The following TAPBP variants were observed in gnomAD, a reference collection of about 807,000 sequenced individuals.
TAPBP encodes tapasin.
Under a neutral mutation model 45.7 loss-of-function variants are expected in TAPBP, and 38 were observed. The ratio of observed to expected loss-of-function variants is 0.83; its 90% CI spans 0.64 to 1.09. The LOEUF is 1.09. TAPBP is among the 50% of genes least tolerant of loss of function. The pLI, the probability that TAPBP is intolerant of heterozygous loss-of-function variation, is 0.00. For missense variants in TAPBP, 513 were observed against 587.3 expected (o/e 0.87, Z 1.31); for synonymous variants, 226 against 254.8 (o/e 0.89, Z 1.08).
In TAPBP at chr6:33,313,972, G is replaced by A. The variant is rs752765130; in HGVS notation, c.37+33C>T. ...GGCCACCTCCCTCCGCTTCCCTCTA[G>A]TTCTTGGGCGATGAGTCGCGGGGTT... On this transcript the variant is annotated intron_variant, in intron 1 of 7. Transcript: ENST00000434618. The surrounding 1 kb of genome is among the most constrained non-coding windows in gnomAD (Gnocchi z 7.2). 5.0e-6 allele frequency: 8 copies of A among 1,613,776 alleles called. No individual in the cohort carries two copies. Among genetic ancestry groups the A allele is most frequent in the Non-Finnish European group, 6.8e-6 (8 of 1,180,014 alleles).
At chr6:33,307,438 G>C (rs570339807) in intron 3 of TAPBP, among the ~76,000 whole-genome samples, 1 of 115,254 alleles carries the variant, frequency 8.7e-6, no homozygotes, top group South Asian at 2.8e-4. Flanking sequence ...AGTTTTGCTC[G>C]TCACCTAGGC....
Position 33,301,675 on chromosome 6 carries a change from G to T in TAPBP, c.*85C>A. Reference sequence around the variant, plus strand: ...AGAGAGATTGGAGGGATTAGGAGCAGATGATAGGGTATTATTTTAGGGAGC... The same window carrying T: ...AGAGAGATTGGAGGGATTAGGAGCATATGATAGGGTATTATTTTAGGGAGC... On this transcript the variant is annotated 3_prime_UTR_variant, in exon 8 of 8. Coordinates refer to ENST00000434618, the MANE Select transcript of TAPBP (RefSeq NM_003190.5). The T allele has an allele frequency of 8.0e-7, 1 of 1,246,230 alleles. No homozygotes were observed. Among genetic ancestry groups the T allele is most frequent in the Non-Finnish European group, 1.2e-6 (1 of 850,854 alleles). The allele number at this position is 1,246,230 out of a possible 1,614,324, so 77.2% of individuals were successfully genotyped here.
intron 3 of TAPBP, among the ~76,000 whole-genome samples, chr6:33,306,663 C>A (rs1223298439): frequency 1.3e-5 from 2 of 152,192 alleles, no homozygotes; most frequent in African/African-American, 4.8e-5. Context: ...CAAGTCTGAT[C>A]CCATCACCTA....
At chr6:33,309,132 C>T (rs972760735) in intron 3 of TAPBP, among the ~76,000 whole-genome samples, 10 of 151,156 alleles carry the variant, frequency 6.6e-5, no homozygotes, top group African/African-American at 2.2e-4. Context: ...CAGTGGCTCA[C>T]GCCTGTAATC....
rs1471393349 is a variant in TAPBP, at chr6:33,305,583, T to C, written c.470-196A>G. Among the ~76,000 whole-genome samples, 2 of 152,124 alleles carry C rather than the reference T, an allele frequency of 1.3e-5. No individual in the cohort carries two copies. The highest frequency in any genetic ancestry group is 4.8e-5 in the African/African-American group (2 of 41,414). Reference sequence around the variant, plus strand: ...TGCTCTGCGACTGGGTGGCACCTAGTGTGGCTGAGGGTGAGCAGAGAGGTC... The same window carrying C: ...TGCTCTGCGACTGGGTGGCACCTAGCGTGGCTGAGGGTGAGCAGAGAGGTC... On this transcript the variant is annotated intron_variant, in intron 3 of 7. Transcript: ENST00000434618. The surrounding 1 kb of genome is among the most constrained non-coding windows in gnomAD (Gnocchi z 4.4).
intron 3 of TAPBP, among the ~76,000 whole-genome samples, chr6:33,308,993 A>T (rs9277972): frequency 0.14 from 21,469 of 152,140 alleles, 1,801 homozygotes; most frequent in South Asian, 0.28. Context: ...CTATAAGGTT[A>T]AACTGTTCTC....
Position 33,304,126 on chromosome 6 carries a change from A to ACCAGC in TAPBP, c.1297_1300+1dup, listed in dbSNP as rs1419621377. On this transcript the variant is annotated splice_donor_variant, in intron 6 of 7. Coordinates refer to ENST00000434618, the MANE Select transcript of TAPBP (RefSeq NM_003190.5). LOFTEE classifies it high-confidence loss of function. ...CATGGTCAGGGTAGGGCTGACACTT[A>ACCAGC]CCAGCCCAGCCCAGTGCCTTGAAGA... 6.2e-7 allele frequency: 1 copy of ACCAGC among 1,613,086 alleles called. No individual in the cohort carries two copies. Among genetic ancestry groups the ACCAGC allele is most frequent in the South Asian group, 1.1e-5 (1 of 91,002 alleles).
intron 4 of TAPBP, 78 bp downstream of exon 4, chr6:33,304,911 A>G (rs1384452158): frequency 1.9e-6 from 3 of 1,560,844 alleles, no homozygotes; most frequent in African/African-American, 1.4e-5. Flanking sequence ...CCTCTTATCC[A>G]TCATCCCTCC....
rs1768936971 is a variant in TAPBP at position 33,305,794 on chromosome 6, G to C, written c.470-407C>G. 6.6e-6 allele frequency among the ~76,000 whole-genome samples: 1 copy of C among 152,186 alleles called. No individual in the cohort carries two copies. Among genetic ancestry groups the C allele is most frequent in the Admixed American group, 6.5e-5 (1 of 15,276 alleles). Reference sequence around the variant, plus strand: ...TTGATTACAGGCGAAGACAATGATTGAGCCATGACTGTCAGTCTTGTGGTG... The same window carrying C: ...TTGATTACAGGCGAAGACAATGATTCAGCCATGACTGTCAGTCTTGTGGTG... On this transcript the variant is annotated intron_variant, in intron 3 of 7. Transcript: ENST00000434618. This position sits in a 1 kb window ranked among gnomAD's most constrained non-coding sequence, Gnocchi z 4.4.
Position 33,304,466 on chromosome 6 carries a change from C to T in TAPBP, c.1041G>A (p.Arg347=). The T allele has an allele frequency of 2.5e-6, 4 of 1,612,186 alleles. No homozygotes were observed. Among genetic ancestry groups the T allele is most frequent in the South Asian group, 2.2e-5 (2 of 90,870 alleles). The change falls in exon 5 of 8, where the codon AGG becomes AGA. Residue 347 remains arginine, a synonymous_variant. Transcript: ENST00000434618. ...GGRSQKAEGQ[R]WLSALRHHSD... ...AATGGTGGCGCAGGGCCGAGAGCCA[C>T]CTCTGCCCCTCGGCCTTCTGAGAGC...
chr6:33,302,089 C>T (rs1480481769), intron 7 of TAPBP, among the ~76,000 whole-genome samples: 1 of 151,822 alleles, frequency 6.6e-6, no homozygotes, highest in Admixed American at 6.6e-5. Flanking sequence ...AAAATAAACA[C>T]CTGTGTTTGA....
Position 33,313,173 on chromosome 6 carries a change from C to A in TAPBP, c.469+44G>T. On this transcript the variant is annotated intron_variant, in intron 3 of 7. Coordinates refer to ENST00000434618, the MANE Select transcript of TAPBP (RefSeq NM_003190.5). This position sits in a 1 kb window ranked among gnomAD's most constrained non-coding sequence, Gnocchi z 7.2. ...AGCGAGACCACCGGCTGATCTGGACCCTTAGAATCTACCCACCCTTCTCCA... is the reference window on the plus strand; with the variant it reads ...AGCGAGACCACCGGCTGATCTGGACACTTAGAATCTACCCACCCTTCTCCA... 1.3e-6 allele frequency: 2 copies of A among 1,574,142 alleles called. No homozygotes were observed. The highest frequency in any genetic ancestry group is 1.7e-6 in the Non-Finnish European group (2 of 1,154,494).
chr6:33,300,489 G>C lies in TAPBP; in HGVS notation c.*1271C>G, dbSNP rs539037753. On this transcript the variant is annotated 3_prime_UTR_variant, in exon 8 of 8. Transcript: ENST00000434618. ...ATCCTGGCTAACACGGTGAAACCCC[G>C]TCTCTACTAAAAACACAAAAAGTTA... The C allele has an allele frequency of 1.3e-5, 2 of 150,728 alleles. No individual in the cohort carries two copies. The highest frequency in any genetic ancestry group is 2.9e-5 in the Non-Finnish European group (2 of 67,830). The allele number at this position is 150,728 out of a possible 1,614,324, so 9.3% of individuals were successfully genotyped here.
At chr6:33,304,683 T>C (rs756087896) in intron 4 of TAPBP, 45 bp from the exon 5 acceptor site, 1 of 1,509,576 alleles carries the variant, frequency 6.6e-7, no homozygotes, top group South Asian at 1.3e-5. Context: ...CAGTCCATAC[T>C]GTCCTCCCTA....
intron 3 of TAPBP, among the ~76,000 whole-genome samples, chr6:33,306,440 A>G (rs1562690778): frequency 1.3e-5 from 2 of 152,252 alleles, no homozygotes; most frequent in African/African-American, 2.4e-5. Context: ...CCTGCTCTCA[A>G]ATTGCCTATA....
chr6:33,301,640 C>A lies in TAPBP; in HGVS notation c.*120G>T. The A allele has an allele frequency of 1.2e-6, 1 of 837,094 alleles. No homozygotes were observed. The highest frequency in any genetic ancestry group is 1.6e-5 in the South Asian group (1 of 61,192). The allele number at this position is 837,094 out of a possible 1,614,324, so 51.9% of individuals were successfully genotyped here. A position where few individuals can be genotyped will look rare whatever the true frequency, so the allele number is the denominator to read the frequency against. On this transcript the variant is annotated 3_prime_UTR_variant, in exon 8 of 8. Coordinates refer to ENST00000434618, the MANE Select transcript of TAPBP (RefSeq NM_003190.5). ...AAGAAAAAAAAAAAAGCATTCCAGC[C>A]ACTCAGTGGAGAGAGATTGGAGGGA...
chr6:33,305,409 G>C lies in TAPBP; in HGVS notation c.470-22C>G, dbSNP rs1364809910. The C allele has an allele frequency of 1.3e-6, 2 of 1,505,182 alleles. No homozygotes were observed. Among genetic ancestry groups the C allele is most frequent in the East Asian group, 4.6e-5 (2 of 43,566 alleles). The allele number at this position is 1,505,182 out of a possible 1,614,324, so 93.2% of individuals were successfully genotyped here. On this transcript the variant is annotated intron_variant, in intron 3 of 7. Coordinates refer to ENST00000434618, the MANE Select transcript of TAPBP (RefSeq NM_003190.5). This position sits in a 1 kb window ranked among gnomAD's most constrained non-coding sequence, Gnocchi z 4.4. ...ACCACTGAGGAAGACAGGGAGATGA[G>C]GGGTTGGGAGGGGCATGAGGGAGAG...
chr6:33,307,168 G>A (rs955104515), intron 3 of TAPBP, among the ~76,000 whole-genome samples: 2 of 151,674 alleles, frequency 1.3e-5, no homozygotes, highest in African/African-American at 4.8e-5. Context: ...GGCACCTGTA[G>A]TCCTAGCTAC....
intron 7 of TAPBP, chr6:33,303,620 G>T (rs1307159624): frequency 4.3e-6 from 4 of 936,194 alleles, no homozygotes; most frequent in Admixed American, 2.8e-5. Context: ...ATTAAATAAG[G>T]TATATTATTA....
Sources: allele counts gnomAD v4.1 joint callset (sites outside exome capture counted in the v4.1 genomes callset), GRCh38; gene constraint gnomAD v4.1.1; non-coding constraint Gnocchi (gnomAD v3.1); transcripts MANE v1.5; gene names NCBI Gene and HGNC (gene_info 2026-07-23, HGNC 2026-07-21).